RPS6KA5: variants seen among roughly 807,000 people sequenced by gnomAD.
RPS6KA5 encodes the protein ribosomal protein S6 kinase alpha-5.
RPS6KA5 carries 27 observed loss-of-function variants against 85.5 expected under a neutral mutation model. The observed-to-expected ratio is 0.32, with a 90% CI of 0.23 to 0.44. The LOEUF is 0.44. Among genes scored for constraint, RPS6KA5 ranks in the 20% least tolerant of loss-of-function variants. The probability of loss-of-function intolerance (pLI) is 1.00; values close to 1 mark genes in which losing one functional copy is unlikely to be tolerated. For missense variants in RPS6KA5, 811 were observed against 980.9 expected (o/e 0.83, Z 2.31); for synonymous variants, 334 against 348.2 (o/e 0.96, Z 0.46).
At chr14:90,873,218 A>C (rs1030410876) in intron 16 of RPS6KA5, among the ~76,000 whole-genome samples, 8 of 152,196 alleles carry the variant, frequency 5.3e-5, no homozygotes, top group Admixed American at 3.9e-4. Context: ...TCTATACTTA[A>C]TACCAATGAA....
chr14:90,918,900 T>C (rs2140286029), intron 7 of RPS6KA5, among the ~76,000 whole-genome samples: 1 of 152,372 alleles, frequency 6.6e-6, no homozygotes, highest in East Asian at 1.9e-4. Context: ...AAGACTTATA[T>C]TTCTTTAAAG....
intron 4 of RPS6KA5, 86 bp from the exon 5 acceptor site, chr14:90,943,271 A>ATTTT: frequency 1.8e-6 from 1 of 563,178 alleles, no homozygotes; most frequent in Non-Finnish European, 3.0e-6. Context: ...TTATTTATTT[A>ATTTT]TTTTTTTTTT....
chr14:90,943,253 G>A (rs940759221), intron 4 of RPS6KA5, 68 bp from the exon 5 acceptor site: 115 of 840,100 alleles, frequency 1.4e-4, no homozygotes, highest in Middle Eastern at 2.9e-4. Flanking sequence ...AGTCTTTCTC[G>A]TCTACCTTTA....
At chr14:91,025,592 C>T (rs1258241552) in intron 1 of RPS6KA5, among the ~76,000 whole-genome samples, 2 of 152,050 alleles carry the variant, frequency 1.3e-5, no homozygotes, top group Non-Finnish European at 2.9e-5. Flanking sequence ...AATCAGGTGA[C>T]TGACATTATC....
intron 1 of RPS6KA5, among the ~76,000 whole-genome samples, chr14:91,023,845 G>A (rs1167390887): frequency 6.6e-6 from 1 of 152,122 alleles, no homozygotes; most frequent in Non-Finnish European, 1.5e-5. Flanking sequence ...CAATATTGAA[G>A]TCTAATAGTA....
chr14:91,011,597 G>T (rs1175537065), intron 1 of RPS6KA5, among the ~76,000 whole-genome samples: 1 of 152,160 alleles, frequency 6.6e-6, no homozygotes, highest in Non-Finnish European at 1.5e-5. Context: ...TCCCTATCAT[G>T]GAAATTGCTG....
intron 1 of RPS6KA5, among the ~76,000 whole-genome samples, chr14:91,049,362 C>A (rs916062552): frequency 6.6e-6 from 1 of 152,156 alleles, no homozygotes; most frequent in African/African-American, 2.4e-5. Context: ...CGCCTGTAAT[C>A]CCACCACTTT....
chr14:90,985,239 G>A (rs558946875), intron 2 of RPS6KA5, among the ~76,000 whole-genome samples: 5 of 152,100 alleles, frequency 3.3e-5, no homozygotes, highest in Admixed American at 2.0e-4. Context: ...CACTGCGCCC[G>A]GCCGCCTTTA....
intron 2 of RPS6KA5, among the ~76,000 whole-genome samples, chr14:90,985,946 A>C (rs1038298695): frequency 2.0e-5 from 3 of 152,220 alleles, no homozygotes; most frequent in African/African-American, 7.2e-5. Flanking sequence ...ACTAGATAAA[A>C]GCAAAACACT....
At chr14:91,045,036 C>G (rs2042814437) in intron 1 of RPS6KA5, among the ~76,000 whole-genome samples, 1 of 152,090 alleles carries the variant, frequency 6.6e-6, no homozygotes, top group Non-Finnish European at 1.5e-5. Flanking sequence ...AGCCTCCAGA[C>G]AAGAACTCAG....
chr14:90,921,261 A>G (rs1357718405), intron 6 of RPS6KA5, among the ~76,000 whole-genome samples: 1 of 152,208 alleles, frequency 6.6e-6, no homozygotes. Flanking sequence ...CACATCAGGC[A>G]GACTAAAATC....
At chr14:90,919,330 T>G (rs988771512) in intron 7 of RPS6KA5, among the ~76,000 whole-genome samples, 2 of 152,202 alleles carry the variant, frequency 1.3e-5, no homozygotes, top group African/African-American at 4.8e-5. Context: ...CTTCCAGATG[T>G]CCAATGTCTT....
rs111650345 is a variant in RPS6KA5 at position 91,021,514 on chromosome 14, G to T, written c.104-20355C>A. ...AAATAAGCCAGGCATGGTGGTTCTCGCGATTCTCCTGCCTCAGCCTCCTGA... is the reference window on the plus strand; with the variant it reads ...AAATAAGCCAGGCATGGTGGTTCTCTCGATTCTCCTGCCTCAGCCTCCTGA... On this transcript the variant is annotated intron_variant, in intron 1 of 16. Coordinates refer to ENST00000614987, the MANE Select transcript of RPS6KA5 (RefSeq NM_004755.4). 4.2e-3 allele frequency among the ~76,000 whole-genome samples: 646 copies of T among 152,210 alleles called. 4 individuals carry two copies. Among genetic ancestry groups the T allele is most frequent in the African/African-American group, 0.014 (596 of 41,528 alleles).
chr14:90,864,081 T>A lies in RPS6KA5; in HGVS notation c.*7993A>T, dbSNP rs1476487866. On this transcript the variant is annotated 3_prime_UTR_variant, in exon 17 of 17. Transcript: ENST00000614987. Reference sequence around the variant, plus strand: ...AAACTTTGGCTACTATTTCACATCATATACAAATATCAGCAGTAGATGGAC... The same window carrying A: ...AAACTTTGGCTACTATTTCACATCAAATACAAATATCAGCAGTAGATGGAC... 1 of 152,248 alleles carries A rather than the reference T, an allele frequency of 6.6e-6. No individual in the cohort carries two copies. The highest frequency in any genetic ancestry group is 1.5e-5 in the Non-Finnish European group (1 of 68,040). The allele number at this position is 152,248 out of a possible 1,614,324, so 9.4% of individuals were successfully genotyped here.
chr14:91,045,356 C>T (rs2042827102), intron 1 of RPS6KA5, among the ~76,000 whole-genome samples: 1 of 151,536 alleles, frequency 6.6e-6, no homozygotes, highest in Non-Finnish European at 1.5e-5. Context: ...CCTCTGTGTC[C>T]CAGGTTCAAG....
chr14:90,906,366 A>G, intron 7 of RPS6KA5, 67 bp from the exon 8 acceptor site: 4 of 1,330,238 alleles, frequency 3.0e-6, no homozygotes, highest in Non-Finnish European at 4.1e-6. Flanking sequence ...GCATGGTGAA[A>G]TACACTTTGA....
At chr14:91,015,740 A>T (rs1409183543) in intron 1 of RPS6KA5, among the ~76,000 whole-genome samples, 1 of 152,234 alleles carries the variant, frequency 6.6e-6, no homozygotes, top group Non-Finnish European at 1.5e-5. Flanking sequence ...TACATCAAAT[A>T]ACAGTTTGTA....
chr14:90,872,033 G>A lies in RPS6KA5; in HGVS notation c.*41C>T. 1 of 1,580,800 alleles carries A rather than the reference G, an allele frequency of 6.3e-7. No individual in the cohort carries two copies. Among genetic ancestry groups the A allele is most frequent in the Non-Finnish European group, 8.6e-7 (1 of 1,165,968 alleles). ...AGATCGCCTCAGGCATATGCTGAGG[G>A]AATAAAGGTGCAATGGATCACTGAT... On this transcript the variant is annotated 3_prime_UTR_variant, in exon 17 of 17. Transcript: ENST00000614987.
intron 5 of RPS6KA5, among the ~76,000 whole-genome samples, chr14:90,932,412 T>G (rs917950362): frequency 1.9e-4 from 29 of 152,146 alleles, no homozygotes; most frequent in African/African-American, 7.0e-4. Flanking sequence ...AGTGCTGGGA[T>G]TACAGGCATC....
Sources: allele counts gnomAD v4.1 joint callset (sites outside exome capture counted in the v4.1 genomes callset), GRCh38; gene constraint gnomAD v4.1.1; transcripts MANE v1.5; gene names NCBI Gene and HGNC (gene_info 2026-07-23, HGNC 2026-07-21).